ADAM12: variants seen among roughly 807,000 people sequenced by gnomAD.
ADAM12 encodes disintegrin and metalloproteinase domain-containing protein 12.
A neutral mutation model predicts 106.4 loss-of-function variants in ADAM12; 70 were observed. The ratio of observed to expected loss-of-function variants is 0.66; its 90% CI spans 0.54 to 0.80. ADAM12 has a LOEUF of 0.80. ADAM12 is among the 30% of genes least tolerant of loss of function. ADAM12 has a pLI of 0.00. For synonymous variants in ADAM12, 420 were observed against 433.5 expected (o/e 0.97, Z 0.39); for missense variants, 1,010 against 1,171.9 (o/e 0.86, Z 2.02).
chr10:126,347,960 T>C (rs1346369815), intron 1 of ADAM12, among the ~76,000 whole-genome samples: 2 of 152,174 alleles, frequency 1.3e-5, no homozygotes, highest in Non-Finnish European at 2.9e-5. Context: ...CAACAGCATT[T>C]CAGGTTTCCA....
chr10:126,026,052 A>G (rs1365002066), intron 21 of ADAM12, among the ~76,000 whole-genome samples: 2 of 152,020 alleles, frequency 1.3e-5, no homozygotes, highest in African/African-American at 4.8e-5. Flanking sequence ...CTGGCCCAAT[A>G]TCATCTAGAT....
At chr10:126,243,440 A>G (rs1271496173) in intron 3 of ADAM12, among the ~76,000 whole-genome samples, 1 of 151,038 alleles carries the variant, frequency 6.6e-6, no homozygotes, top group African/African-American at 2.4e-5. Context: ...AGGGACTAAC[A>G]TTATCTTCTG....
intron 3 of ADAM12, among the ~76,000 whole-genome samples, chr10:126,265,424 C>T (rs1959079200): frequency 6.6e-6 from 1 of 152,168 alleles, no homozygotes; most frequent in South Asian, 2.1e-4. Context: ...GCCACTGAAC[C>T]TGGTGGGTGA....
intron 21 of ADAM12, among the ~76,000 whole-genome samples, chr10:126,024,997 G>A (rs991350195): frequency 4.6e-5 from 7 of 152,120 alleles, no homozygotes; most frequent in African/African-American, 1.7e-4. Flanking sequence ...CCTTACAGAA[G>A]AGTGGCCAGA....
At chr10:126,115,462 T>C (rs1489138324) in intron 6 of ADAM12, among the ~76,000 whole-genome samples, 1 of 152,156 alleles carries the variant, frequency 6.6e-6, no homozygotes, top group East Asian at 1.9e-4. Flanking sequence ...ACTGTGACGC[T>C]CCCTGTTTCT....
intron 12 of ADAM12, 118 bp downstream of exon 12, chr10:126,071,359 T>G: frequency 2.3e-6 from 3 of 1,279,866 alleles, no homozygotes. Context: ...CAGATAGGAC[T>G]CTTCCTTCCT....
intron 1 of ADAM12, among the ~76,000 whole-genome samples, chr10:126,335,537 C>T (rs917072192): frequency 2.0e-5 from 3 of 152,086 alleles, no homozygotes; most frequent in African/African-American, 7.2e-5. Context: ...TGTCTCAGGG[C>T]AATATGGTGG....
chr10:126,031,215 C>T (rs548551425), intron 21 of ADAM12, among the ~76,000 whole-genome samples: 1 of 152,322 alleles, frequency 6.6e-6, no homozygotes, highest in African/African-American at 2.4e-5. Flanking sequence ...TCATAAAACT[C>T]AGTTTTCTTG....
At chr10:126,244,239 C>G (rs906767578) in intron 3 of ADAM12, among the ~76,000 whole-genome samples, 1 of 152,210 alleles carries the variant, frequency 6.6e-6, no homozygotes, top group Non-Finnish European at 1.5e-5. Context: ...CCAGCCTCTG[C>G]CTTCATCTGG....
At chr10:126,279,287 C>G (rs1317506499) in intron 2 of ADAM12, among the ~76,000 whole-genome samples, 1 of 151,896 alleles carries the variant, frequency 6.6e-6, no homozygotes, top group Non-Finnish European at 1.5e-5. Flanking sequence ...AGAATATTAG[C>G]CAGGGGTGGT....
intron 1 of ADAM12, among the ~76,000 whole-genome samples, chr10:126,337,064 G>A (rs556789354): frequency 1.3e-5 from 2 of 152,328 alleles, no homozygotes; most frequent in Non-Finnish European, 2.9e-5. Flanking sequence ...AACAGAATAT[G>A]TGTATATAAA....
intron 3 of ADAM12, among the ~76,000 whole-genome samples, chr10:126,209,817 A>G (rs1279585654): frequency 1.3e-5 from 2 of 152,212 alleles, no homozygotes; most frequent in African/African-American, 2.4e-5. Flanking sequence ...TCCCAAGCCT[A>G]TGAGCACTAA....
intron 4 of ADAM12, among the ~76,000 whole-genome samples, chr10:126,143,332 T>G (rs111045222): frequency 0.22 from 32,229 of 149,676 alleles, 3,665 homozygotes; most frequent in South Asian, 0.3. Flanking sequence ...GGTGTGCACA[T>G]GTGTATATGT....
chr10:126,281,824 T>C (rs1273222530), intron 2 of ADAM12, among the ~76,000 whole-genome samples: 1 of 152,234 alleles, frequency 6.6e-6, no homozygotes, highest in Non-Finnish European at 1.5e-5. Context: ...TAACTGCTAA[T>C]CAATGGGCCA....
In ADAM12 at chr10:126,064,455, C is replaced by T. The variant is rs1013680455; in HGVS notation, c.1609+351G>A. On this transcript the variant is annotated intron_variant, in intron 14 of 22. Coordinates refer to ENST00000448723, the MANE Select transcript of ADAM12 (RefSeq NM_001288973.2). This position sits in a 1 kb window ranked among gnomAD's most constrained non-coding sequence, Gnocchi z 4.4. ...TGGTGGATTCATCCCTGCCATCCCT[C>T]GGGGCACGCAGTAGGTGCTCCTGCA... is the stretch of plus-strand genomic sequence containing the variant. Among the ~76,000 whole-genome samples, 16 of 152,166 alleles carry T rather than the reference C, an allele frequency of 1.1e-4. No homozygotes were observed. Among genetic ancestry groups the T allele is most frequent in the African/African-American group, 1.7e-4 (7 of 41,442 alleles).
intron 3 of ADAM12, among the ~76,000 whole-genome samples, chr10:126,162,532 C>A (rs921459775): frequency 8.5e-5 from 13 of 152,148 alleles, no homozygotes; most frequent in African/African-American, 3.1e-4. Flanking sequence ...CTGTGCCATG[C>A]AGAGCCGCCA....
In ADAM12 at chr10:126,231,622, C is replaced by T. The variant is rs146345896; in HGVS notation, c.260+47293G>A. The stretch of plus-strand genomic sequence containing the variant: ...GGATGTCACCAAGGTCACCCATTAC[C>T]TGCTCTGGTCACATGGAAAGACCAG... On this transcript the variant is annotated intron_variant, in intron 3 of 22. Coordinates refer to ENST00000448723, the MANE Select transcript of ADAM12 (RefSeq NM_001288973.2). Among the ~76,000 whole-genome samples, 460 of 152,292 alleles carry T rather than the reference C, an allele frequency of 3.0e-3. 1 individual carries two copies. The highest frequency in any genetic ancestry group is 8.5e-3 in the African/African-American group (355 of 41,568).
chr10:126,124,060 C>T (rs1013687017), intron 5 of ADAM12, among the ~76,000 whole-genome samples: 1 of 152,172 alleles, frequency 6.6e-6, no homozygotes, highest in Non-Finnish European at 1.5e-5. Flanking sequence ...ATGCAGCAGG[C>T]ACCGGGGCCG....
intron 2 of ADAM12, among the ~76,000 whole-genome samples, chr10:126,290,265 G>A (rs1158962470): frequency 6.6e-6 from 1 of 152,156 alleles, no homozygotes; most frequent in Non-Finnish European, 1.5e-5. Context: ...CAGGAAATGG[G>A]TTCTCCCCCA....
Sources: allele counts gnomAD v4.1 joint callset (sites outside exome capture counted in the v4.1 genomes callset), GRCh38; gene constraint gnomAD v4.1.1; non-coding constraint Gnocchi (gnomAD v3.1); transcripts MANE v1.5; gene names NCBI Gene and HGNC (gene_info 2026-07-23, HGNC 2026-07-21).